Variants in CSMD1 observed in about 807,000 individuals in gnomAD.
CSMD1 encodes CUB and sushi domain-containing protein 1.
In CSMD1, 213 loss-of-function variants were observed where a neutral mutation model predicts 417.5. That is an observed-to-expected ratio of 0.51 (90% confidence interval 0.46 to 0.57). The LOEUF is 0.57. Ranked by LOEUF, CSMD1 falls within the 20% of genes least tolerant of loss-of-function variation. The pLI is 0.00. For missense variants in CSMD1, 6,923 were observed against 4,529.7 expected (o/e 1.53, Z -15.17); for synonymous variants, 2,862 against 1,736.8 (o/e 1.65, Z -16.11).
At chr8:4,758,575 A>G (rs1320125013) in intron 1 of CSMD1, among the ~76,000 whole-genome samples, 1 of 152,218 alleles carries the variant, frequency 6.6e-6, no homozygotes, top group Non-Finnish European at 1.5e-5. Flanking sequence ...TCTCACTGCT[A>G]TACCAAGACT....
intron 4 of CSMD1, among the ~76,000 whole-genome samples, chr8:4,018,815 C>T (rs1796646607): frequency 2.0e-5 from 3 of 152,188 alleles, no homozygotes; most frequent in African/African-American, 7.2e-5. Context: ...TCCCCACATA[C>T]AGCGTGGGAC....
chr8:3,100,911 G>C (rs1027541662), intron 46 of CSMD1, among the ~76,000 whole-genome samples: 1 of 152,166 alleles, frequency 6.6e-6, no homozygotes, highest in Non-Finnish European at 1.5e-5. Flanking sequence ...CAGAGCCCTT[G>C]TGATGCCTGC....
At chr8:4,880,539 GCCT>G (rs1244085829) in intron 1 of CSMD1, among the ~76,000 whole-genome samples, 2 of 151,812 alleles carry the variant, frequency 1.3e-5, no homozygotes, top group Non-Finnish European at 2.9e-5. Flanking sequence ...CTTTTCCTTC[GCCT>G]CCTCCTCTGA....
chr8:4,482,891 T>C (rs1402341447), intron 2 of CSMD1, among the ~76,000 whole-genome samples: 1 of 152,174 alleles, frequency 6.6e-6, no homozygotes, highest in Admixed American at 6.5e-5. Flanking sequence ...AGTAGGGGCA[T>C]GTATGTAAAA....
At chr8:4,263,886 C>G (rs1419996072) in intron 3 of CSMD1, among the ~76,000 whole-genome samples, 5 of 152,106 alleles carry the variant, frequency 3.3e-5, no homozygotes, top group Admixed American at 2.0e-4. Context: ...ATGCTCAGAA[C>G]AATTATAGAC....
rs917227722 is a variant in CSMD1, at chr8:3,611,753, T to C, written c.1097+4957A>G. On this transcript the variant is annotated intron_variant, in intron 8 of 69. Transcript: ENST00000635120. ...TGTAAATAATGTATAGGACAATGTA[T>C]AAATATTTGAAAGAACTCATAACTC... 2.0e-5 allele frequency among the ~76,000 whole-genome samples: 3 copies of C among 152,212 alleles called. No homozygotes were observed. The South Asian group carries it at 6.2e-4, about 32-fold the overall frequency.
intron 5 of CSMD1, among the ~76,000 whole-genome samples, chr8:3,767,000 C>A (rs1798308136): frequency 6.6e-6 from 1 of 152,186 alleles, no homozygotes; most frequent in South Asian, 2.1e-4. Context: ...GACCAGCAGC[C>A]CTCAACATCT....
chr8:4,545,464 T>C (rs2130536698), intron 2 of CSMD1, among the ~76,000 whole-genome samples: 1 of 152,294 alleles, frequency 6.6e-6, no homozygotes, highest in African/African-American at 2.4e-5. Flanking sequence ...AAGGGCTCGT[T>C]TACCTACTTT....
At chr8:3,989,122 T>C (rs774127768) in intron 5 of CSMD1, among the ~76,000 whole-genome samples, 1 of 152,204 alleles carries the variant, frequency 6.6e-6, no homozygotes, top group Non-Finnish European at 1.5e-5. Flanking sequence ...GTTATAGAAA[T>C]TGCTATGTGG....
chr8:4,354,842 G>C (rs1050119259), intron 3 of CSMD1, among the ~76,000 whole-genome samples: 3 of 147,412 alleles, frequency 2.0e-5, no homozygotes, highest in African/African-American at 7.6e-5. Context: ...TCTCACTAGA[G>C]GGCAGGTAAA....
At chr8:3,112,778 AAAT>A (rs1277967510) in intron 42 of CSMD1, among the ~76,000 whole-genome samples, 1 of 152,202 alleles carries the variant, frequency 6.6e-6, no homozygotes, top group Non-Finnish European at 1.5e-5. Flanking sequence ...CTGTGAAGGA[AAAT>A]AACAGACGCT....
At chr8:2,994,649 A>T (rs1472307461) in intron 54 of CSMD1, among the ~76,000 whole-genome samples, 1 of 152,228 alleles carries the variant, frequency 6.6e-6, no homozygotes, top group Non-Finnish European at 1.5e-5. Flanking sequence ...TTTATATGGA[A>T]AGTGAGTATA....
chr8:3,671,491 ATG>A lies in CSMD1; in HGVS notation c.1009+36921_1009+36922del, dbSNP rs1799036008. 7.6e-5 allele frequency among the ~76,000 whole-genome samples: 2 copies of A among 26,214 alleles called. 1 individual carries two copies. The highest frequency in any genetic ancestry group is 3.8e-4 in the African/African-American group (2 of 5,298). 17.2% of individuals were successfully genotyped at this position (26,214 alleles called of 152,430 possible). ...TATAATCATATATATACTCATATAT[ATG>A]ATCATATATATATATATATGATCAT... On this transcript the variant is annotated intron_variant, in intron 7 of 69. Transcript: ENST00000635120.
At chr8:4,751,167 C>T (rs997858502) in intron 1 of CSMD1, among the ~76,000 whole-genome samples, 3 of 152,166 alleles carry the variant, frequency 2.0e-5, no homozygotes, top group Non-Finnish European at 2.9e-5. Context: ...GGTGGATCAC[C>T]TGAGGTAAGG....
At chr8:3,455,082 C>G (rs1816017680) in intron 12 of CSMD1, among the ~76,000 whole-genome samples, 1 of 152,134 alleles carries the variant, frequency 6.6e-6, no homozygotes, top group Non-Finnish European at 1.5e-5. Flanking sequence ...TCACTGATAC[C>G]CTTTCTTTCT....
intron 2 of CSMD1, among the ~76,000 whole-genome samples, chr8:4,549,718 G>A (rs774354671): frequency 6.6e-5 from 10 of 151,650 alleles, no homozygotes; most frequent in South Asian, 2.1e-4. Context: ...GCAAAACCCC[G>A]TCTCTACTAT....
intron 10 of CSMD1, among the ~76,000 whole-genome samples, chr8:3,555,367 T>C (rs1799098860): frequency 6.6e-6 from 1 of 152,128 alleles, no homozygotes; most frequent in Non-Finnish European, 1.5e-5. Context: ...TGGTCATTGA[T>C]GATGACAGTC....
chr8:4,264,044 G>C (rs1002459808), intron 3 of CSMD1, among the ~76,000 whole-genome samples: 13 of 152,154 alleles, frequency 8.5e-5, no homozygotes, highest in African/African-American at 2.9e-4. Context: ...ACTTGGGCAA[G>C]TTTGTTAACT....
intron 5 of CSMD1, among the ~76,000 whole-genome samples, chr8:3,884,370 T>G (rs1240792294): frequency 6.6e-6 from 1 of 152,220 alleles, no homozygotes; most frequent in East Asian, 1.9e-4. Flanking sequence ...GAACTGTTAG[T>G]GACATGGTGC....
Sources: gnomAD v4.1 joint callset for allele counts (sites outside exome capture counted in the v4.1 genomes callset) on GRCh38, gnomAD v4.1.1 for gene constraint, MANE v1.5 for transcripts, NCBI Gene and HGNC (gene_info 2026-07-23, HGNC 2026-07-21) for gene names.